Variants in FGGY observed in about 807,000 individuals in gnomAD.
The protein encoded by FGGY is FGGY carbohydrate kinase domain containing, also known as FGGY carbohydrate kinase domain-containing protein.
A neutral mutation model predicts 71.3 loss-of-function variants in FGGY; 72 were observed. The ratio of observed to expected loss-of-function variants is 1.01; its 90% CI spans 0.84 to 1.23. The LOEUF (loss-of-function observed/expected upper bound fraction) is 1.23, where lower values mean the gene tolerates loss of function less well. Among genes scored for constraint, FGGY ranks in the 50% most tolerant of loss-of-function variants. The pLI, the probability that FGGY is intolerant of heterozygous loss-of-function variation, is 0.00. For synonymous variants in FGGY, 251 were observed against 250.3 expected (o/e 1.00, Z -0.02); for missense variants, 668 against 682.3 (o/e 0.98, Z 0.23).
chr1:59,666,945 T>C (rs2097331432), intron 12 of FGGY, among the ~76,000 whole-genome samples: 1 of 152,222 alleles, frequency 6.6e-6, no homozygotes, highest in Non-Finnish European at 1.5e-5. Context: ...GCCTGGGCTA[T>C]AGTAGACACT....
intron 15 of FGGY, among the ~76,000 whole-genome samples, chr1:59,759,584 G>A (rs2098325231): frequency 6.6e-6 from 1 of 152,220 alleles, no homozygotes; most frequent in Non-Finnish European, 1.5e-5. Context: ...GCTGGGAGCT[G>A]GCAGCTGGCA....
At chr1:59,366,650 G>T (rs940881773) in intron 4 of FGGY, among the ~76,000 whole-genome samples, 4 of 151,954 alleles carry the variant, frequency 2.6e-5, no homozygotes, top group African/African-American at 9.7e-5. Context: ...TCTCTCGAAA[G>T]GACCTGGCTT....
chr1:59,655,008 A>G (rs1473109363), intron 11 of FGGY, among the ~76,000 whole-genome samples: 1 of 152,162 alleles, frequency 6.6e-6, no homozygotes, highest in Non-Finnish European at 1.5e-5. Context: ...GGGCTTCTCC[A>G]TACTCCTGCA....
intron 2 of FGGY, among the ~76,000 whole-genome samples, chr1:59,323,621 A>G (rs1486980373): frequency 6.6e-6 from 1 of 152,228 alleles, no homozygotes; most frequent in Non-Finnish European, 1.5e-5. Flanking sequence ...CTGCAGCCAG[A>G]CTGCCTAGAT....
At chr1:59,721,893 C>G (rs1369481762) in intron 14 of FGGY, among the ~76,000 whole-genome samples, 1 of 152,188 alleles carries the variant, frequency 6.6e-6, no homozygotes, top group African/African-American at 2.4e-5. Context: ...TCTGCAGATT[C>G]CCTGAGGACA....
rs192364867 is a variant in FGGY at position 59,545,821 on chromosome 1, C to T, written c.800-8303C>T. Among the ~76,000 whole-genome samples, 197 of 152,332 alleles carry T rather than the reference C, an allele frequency of 1.3e-3. 2 individuals are homozygous for T. The highest frequency in any genetic ancestry group is 4.4e-3 in the African/African-American group (184 of 41,564). On this transcript the variant is annotated intron_variant, in intron 7 of 15. Coordinates refer to ENST00000303721, the MANE Select transcript of FGGY (RefSeq NM_018291.5). ...ATGAATGCCATCCCAAGTTAAACTGCAGTATGCATGGTGCTACATGTAATT... is the reference window on the plus strand; with the variant it reads ...ATGAATGCCATCCCAAGTTAAACTGTAGTATGCATGGTGCTACATGTAATT...
At chr1:59,608,473 C>G (rs947362372) in intron 9 of FGGY, among the ~76,000 whole-genome samples, 3 of 152,154 alleles carry the variant, frequency 2.0e-5, no homozygotes, top group Non-Finnish European at 2.9e-5. Context: ...AACTCCAGCT[C>G]TTAGCACACT....
At chr1:59,453,496 C>T (rs1019043376) in intron 5 of FGGY, among the ~76,000 whole-genome samples, 2 of 152,176 alleles carry the variant, frequency 1.3e-5, no homozygotes, top group Admixed American at 6.5e-5. Context: ...CTCATTTAGG[C>T]TGTGCTGTCC....
chr1:59,690,335 A>G (rs1055094017), intron 14 of FGGY, among the ~76,000 whole-genome samples: 5 of 152,150 alleles, frequency 3.3e-5, no homozygotes, highest in African/African-American at 1.2e-4. Flanking sequence ...TCCTGATATT[A>G]GTTGTACTTT....
At chr1:59,656,963 C>G (rs1208190173) in intron 11 of FGGY, among the ~76,000 whole-genome samples, 1 of 152,156 alleles carries the variant, frequency 6.6e-6, no homozygotes, top group East Asian at 1.9e-4. Context: ...TCTATGATTT[C>G]TGAGCTCTGG....
intron 7 of FGGY, 40 bp downstream of exon 7, chr1:59,512,479 A>G: frequency 6.2e-7 from 1 of 1,600,354 alleles, no homozygotes; most frequent in Non-Finnish European, 8.5e-7. Flanking sequence ...AACCGTATTC[A>G]AATGGAATAT....
intron 14 of FGGY, among the ~76,000 whole-genome samples, chr1:59,724,346 T>C (rs1280581380): frequency 1.3e-5 from 2 of 151,348 alleles, no homozygotes; most frequent in Non-Finnish European, 2.9e-5. Context: ...TAGCCAGGCA[T>C]GGTGGCAGGT....
At chr1:59,438,256 T>G (rs1308810941) in intron 5 of FGGY, among the ~76,000 whole-genome samples, 1 of 152,210 alleles carries the variant, frequency 6.6e-6, no homozygotes, top group African/African-American at 2.4e-5. Context: ...TCAATCCAAG[T>G]TAGCCTGTTT....
At chr1:59,361,238 CTT>C (rs2055447569) in intron 4 of FGGY, among the ~76,000 whole-genome samples, 1 of 152,198 alleles carries the variant, frequency 6.6e-6, no homozygotes, top group Non-Finnish European at 1.5e-5. Flanking sequence ...GTTCCAGACA[CTT>C]TGTTAAATAT....
At chr1:59,432,189 T>G (rs113270257) in intron 5 of FGGY, among the ~76,000 whole-genome samples, 2,501 of 152,308 alleles carry the variant, frequency 0.016, 60 homozygotes, top group African/African-American at 0.057. Context: ...GGAGAGGGCA[T>G]GAAAGCTCCC....
intron 3 of FGGY, among the ~76,000 whole-genome samples, chr1:59,341,909 G>C (rs1040846307): frequency 6.6e-6 from 1 of 152,176 alleles, no homozygotes; most frequent in African/African-American, 2.4e-5. Flanking sequence ...GAGGCAGAGT[G>C]TGGAGGCTAG....
At chr1:59,500,045 G>C (rs1325068543) in intron 6 of FGGY, among the ~76,000 whole-genome samples, 3 of 152,168 alleles carry the variant, frequency 2.0e-5, no homozygotes, top group African/African-American at 7.2e-5. Context: ...TGACTGTAGA[G>C]ACACATTGTT....
chr1:59,576,677 G>GAC (rs57817494), intron 8 of FGGY, among the ~76,000 whole-genome samples: 23,757 of 129,822 alleles, frequency 0.18, 2,009 homozygotes, highest in Middle Eastern at 0.27. Flanking sequence ...CAGACAGACA[G>GAC]ACACACACAC....
intron 6 of FGGY, among the ~76,000 whole-genome samples, chr1:59,481,528 T>C (rs2153567277): frequency 6.6e-6 from 1 of 151,998 alleles, no homozygotes; most frequent in African/African-American, 2.4e-5. Context: ...AAGAGGGGAG[T>C]AAAAGGGCAT....
Sources: gnomAD v4.1 joint callset for allele counts (sites outside exome capture counted in the v4.1 genomes callset) on GRCh38, gnomAD v4.1.1 for gene constraint, MANE v1.5 for transcripts, NCBI Gene and HGNC (gene_info 2026-07-23, HGNC 2026-07-21) for gene names.